LRP4: variants seen among roughly 807,000 people sequenced by gnomAD.
LRP4 encodes the protein low-density lipoprotein receptor-related protein 4.
Under a neutral mutation model 220.3 loss-of-function variants are expected in LRP4, and 95 were observed. The observed-to-expected ratio is 0.43, with a 90% confidence interval of 0.37 to 0.51. LRP4 has a LOEUF of 0.51. Among genes scored for constraint, LRP4 ranks in the 20% least tolerant of loss-of-function variants. The probability of loss-of-function intolerance (pLI) is 0.00; values close to 1 mark genes in which losing one functional copy is unlikely to be tolerated. For synonymous variants in LRP4, 903 were observed against 954.6 expected (o/e 0.95, Z 1.00); for missense variants, 1,925 against 2,567.0 (o/e 0.75, Z 5.40).
chr11:46,867,662 T>A (rs1252909028), intron 34 of LRP4, among the ~76,000 whole-genome samples: 1 of 152,186 alleles, frequency 6.6e-6, no homozygotes, highest in Admixed American at 6.5e-5. Context: ...GGTTTCTCCA[T>A]GTTGGGCAGG....
intron 31 of LRP4, 23 bp from the exon 32 acceptor site, chr11:46,869,155 A>G: frequency 1.2e-6 from 2 of 1,612,004 alleles, no homozygotes; most frequent in Non-Finnish European, 1.7e-6. Context: ...GGAAGCCCAA[A>G]AACAGTAAAT....
chr11:46,913,115 A>G (rs1489604234), intron 1 of LRP4, among the ~76,000 whole-genome samples: 1 of 152,126 alleles, frequency 6.6e-6, no homozygotes, highest in Non-Finnish European at 1.5e-5. Flanking sequence ...CCTATTCCGC[A>G]TGGGGAAACA....
chr11:46,860,586 G>A, intron 37 of LRP4, among the ~76,000 whole-genome samples: 1 of 152,236 alleles, frequency 6.6e-6, no homozygotes, highest in African/African-American at 2.4e-5. Context: ...AACTGTGGCT[G>A]TGGCTCTATT....
At position 46,858,203 on chromosome 11, in the gene LRP4, G is replaced by A. The variant is rs886048344; in HGVS notation, c.*780C>T. 2.6e-5 allele frequency: 4 copies of A among 153,386 alleles called. No individual in the cohort carries two copies. The highest frequency in any genetic ancestry group is 6.5e-5 in the Admixed American group (1 of 15,450). 9.5% of individuals were successfully genotyped at this position (153,386 alleles called of 1,614,324 possible). ...AGACTTAGGAAAGGTACTGGCCAGT[G>A]GTGGCACCAGGAGGGAATTCCTATT... On this transcript the variant is annotated 3_prime_UTR_variant, in exon 38 of 38. Coordinates refer to ENST00000378623, the MANE Select transcript of LRP4 (RefSeq NM_002334.4).
chr11:46,878,274 CTTTTTTTTTTTT>C (rs71042631), intron 22 of LRP4, among the ~76,000 whole-genome samples: 1 of 74,998 alleles, frequency 1.3e-5, no homozygotes, highest in East Asian at 4.3e-4. Context: ...TTAGAAGTGT[CTTTTTTTTTTTT>C]TTTTTTTTTT....
intron 22 of LRP4, among the ~76,000 whole-genome samples, chr11:46,877,830 G>A (rs755523933): frequency 1.3e-5 from 2 of 151,958 alleles, no homozygotes; most frequent in African/African-American, 4.8e-5. Flanking sequence ...TGGCTGTAAG[G>A]GTTAAAAGAT....
chr11:46,888,159 T>C (rs1279943901), intron 16 of LRP4, among the ~76,000 whole-genome samples: 1 of 149,736 alleles, frequency 6.7e-6, no homozygotes, highest in Non-Finnish European at 1.5e-5. Flanking sequence ...TCATCTCTAC[T>C]AAAAATACAA....
rs146670859 is a variant in LRP4 at position 46,896,949 on chromosome 11, C to A, written c.842G>T (p.Arg281Leu). 2.5e-6 allele frequency: 4 copies of A among 1,614,076 alleles called. No individual in the cohort carries two copies. Among genetic ancestry groups the A allele is most frequent in the South Asian group, 1.1e-5 (1 of 91,096 alleles). Residue 281 changes from arginine to leucine, a missense_variant, in exon 8 of 38, where the codon CGC becomes CTC. Around this residue, in one of 3 missense-constraint regions of LRP4, gnomAD observed 412 missense variants for 505.4 expected, o/e 0.82. Transcript: ENST00000378623. ...TAEQFRCHSG[R>L]CVRLSWRCDG... Reference sequence around the variant, plus strand: ...ACAGCGCCAGGACAGGCGGACACAGCGGCCTGAGTGACAGCGGAACTGTTC... The same window carrying A: ...ACAGCGCCAGGACAGGCGGACACAGAGGCCTGAGTGACAGCGGAACTGTTC...
chr11:46,888,899 A>G (rs996710945), intron 16 of LRP4, among the ~76,000 whole-genome samples: 3 of 152,166 alleles, frequency 2.0e-5, no homozygotes, highest in African/African-American at 7.2e-5. Flanking sequence ...AAGGAGCCCA[A>G]AGGAAGCCAA....
At chr11:46,876,219 G>GCTCTAATT (rs2134798923) in intron 25 of LRP4, among the ~76,000 whole-genome samples, 2 of 152,262 alleles carry the variant, frequency 1.3e-5, no homozygotes, top group Admixed American at 1.3e-4. Context: ...TTAAATACCG[G>GCTCTAATT]ACCCAAGTGA....
chr11:46,879,134 C>T lies in LRP4; in HGVS notation c.2996G>A (p.Arg999Gln), dbSNP rs779430923. The change falls in exon 21 of 38, where the codon CGG becomes CAG. Residue 999 changes from arginine (R) to glutamine (Q), a missense_variant. Arg to Gln is a conservative substitution (Grantham distance 43). This residue lies in a region of LRP4 where 1,244 missense variants were observed against 1,624.9 expected (regional missense o/e 0.77). Coordinates refer to ENST00000378623, the MANE Select transcript of LRP4 (RefSeq NM_002334.4). ...AGCCAAGGGCTGCTCACCTGGGGGCCGGCGGCGGTGGAAGACATGGATGTC... is the reference window on the plus strand; with the variant it reads ...AGCCAAGGGCTGCTCACCTGGGGGCTGGCGGCGGTGGAAGACATGGATGTC... ...LMDIHVFHRR[R>Q]PPVSTPCAME... is the part of the protein sequence containing the mutation. 8.1e-6 allele frequency: 13 copies of T among 1,614,066 alleles called. No individual in the cohort carries two copies. Among genetic ancestry groups the T allele is most frequent in the Admixed American group, 5.0e-5 (3 of 60,008 alleles).
At chr11:46,889,228 G>A (rs528161630) in intron 16 of LRP4, among the ~76,000 whole-genome samples, 183 bp downstream of exon 16, 1 of 152,306 alleles carries the variant, frequency 6.6e-6, no homozygotes, top group East Asian at 1.9e-4. Flanking sequence ...AGCCACTAGT[G>A]CTGGGTCCTC....
At chr11:46,898,877 C>T (rs1205309196) in intron 6 of LRP4, 27 bp downstream of exon 6, 2 of 1,613,594 alleles carry the variant, frequency 1.2e-6, no homozygotes, top group African/African-American at 2.7e-5. Flanking sequence ...CTGGCCTCCC[C>T]ACCTCCCAGC....
At chr11:46,906,066 T>C (rs764216564) in intron 1 of LRP4, among the ~76,000 whole-genome samples, 2 of 152,088 alleles carry the variant, frequency 1.3e-5, no homozygotes, top group Non-Finnish European at 2.9e-5. Flanking sequence ...GACAAAGCAC[T>C]GGACCTGGAG....
intron 31 of LRP4, 42 bp from the exon 32 acceptor site, chr11:46,869,174 G>C: frequency 6.3e-7 from 1 of 1,592,326 alleles, no homozygotes; most frequent in South Asian, 1.1e-5. Flanking sequence ...ATATTATTCA[G>C]CAAGCAGACT....
intron 30 of LRP4, 119 bp downstream of exon 30, chr11:46,872,981 A>G: frequency 7.6e-7 from 1 of 1,316,672 alleles, no homozygotes; most frequent in Non-Finnish European, 1.1e-6. Flanking sequence ...CTTCTCAATG[A>G]TTCCTCTTCC....
chr11:46,892,800 C>T (rs1034863005), intron 13 of LRP4, among the ~76,000 whole-genome samples, 173 bp downstream of exon 13: 2 of 152,186 alleles, frequency 1.3e-5, no homozygotes, highest in Non-Finnish European at 2.9e-5. Context: ...GAATTACTGA[C>T]CTCAGGTGAT....
intron 37 of LRP4, among the ~76,000 whole-genome samples, chr11:46,860,124 A>C (rs947828444): frequency 4.0e-5 from 6 of 151,614 alleles, no homozygotes; most frequent in African/African-American, 1.5e-4. Context: ...AATCCCAGCT[A>C]TTTGGGAGGC....
At chr11:46,914,445 C>T (rs1941916201) in intron 1 of LRP4, among the ~76,000 whole-genome samples, 1 of 152,212 alleles carries the variant, frequency 6.6e-6, no homozygotes, top group Non-Finnish European at 1.5e-5. Context: ...TCATTCCTGC[C>T]AGCTCTAAGC....
Sources: gnomAD v4.1 joint callset for allele counts (sites outside exome capture counted in the v4.1 genomes callset) on GRCh38, gnomAD v4.1.1 for gene constraint, gnomAD v4.1.1 regional missense constraint, MANE v1.5 for transcripts, NCBI Gene and HGNC (gene_info 2026-07-23, HGNC 2026-07-21) for gene names.